Variants in CACNA1A observed in about 807,000 individuals in gnomAD.
CACNA1A encodes the protein calcium voltage-gated channel subunit alpha1 A.
CACNA1A carries 57 observed loss-of-function variants against 262.4 expected under a neutral mutation model. That is an observed-to-expected ratio of 0.22 (90% CI 0.18 to 0.27). CACNA1A has a LOEUF of 0.27. Ranked by LOEUF, CACNA1A falls within the 10% of genes least tolerant of loss-of-function variation. The probability of loss-of-function intolerance (pLI) is 1.00; values close to 1 mark genes in which losing one functional copy is unlikely to be tolerated. For synonymous variants in CACNA1A, 1,431 were observed against 1,419.3 expected (o/e 1.01, Z -0.18); for missense variants, 2,526 against 3,562.8 (o/e 0.71, Z 7.41).
At chr19:13,465,034 T>C (rs1444671040) in intron 1 of CACNA1A, among the ~76,000 whole-genome samples, 1 of 152,034 alleles carries the variant, frequency 6.6e-6, no homozygotes, top group African/African-American at 2.4e-5. Context: ...GTGCGAGCAA[T>C]TCTCCTGCCT....
At chr19:13,263,872 AT>A (rs1284911691) in intron 24 of CACNA1A, among the ~76,000 whole-genome samples, 1 of 151,698 alleles carries the variant, frequency 6.6e-6, no homozygotes, top group Non-Finnish European at 1.5e-5. Context: ...AAAAAATGGG[AT>A]TTTCTCCCCC....
chr19:13,372,740 A>C (rs1055646714), intron 3 of CACNA1A, among the ~76,000 whole-genome samples: 2 of 152,190 alleles, frequency 1.3e-5, no homozygotes, highest in Non-Finnish European at 2.9e-5. Flanking sequence ...CCTATTCAGA[A>C]ATAAATAAGA....
intron 1 of CACNA1A, among the ~76,000 whole-genome samples, chr19:13,487,498 G>T (rs1323512998): frequency 6.6e-6 from 1 of 152,100 alleles, no homozygotes; most frequent in Non-Finnish European, 1.5e-5. Context: ...GGGGAGCGGG[G>T]AGAGACAGGG....
intron 3 of CACNA1A, among the ~76,000 whole-genome samples, chr19:13,383,698 T>C (rs2059559583): frequency 6.6e-6 from 1 of 152,230 alleles, no homozygotes; most frequent in Admixed American, 6.5e-5. Context: ...CTAGCTGGCC[T>C]CTTCGAATTC....
chr19:13,472,446 C>G (rs186576144), intron 1 of CACNA1A, among the ~76,000 whole-genome samples: 4 of 152,160 alleles, frequency 2.6e-5, no homozygotes, highest in Admixed American at 6.6e-5. Context: ...AGTTCACCTC[C>G]GGAACTTGAC....
At chr19:13,371,078 A>T (rs4926281) in intron 4 of CACNA1A, 1 of 152,074 alleles carries the variant, frequency 6.6e-6, no homozygotes, top group Non-Finnish European at 1.5e-5. Flanking sequence ...TTTAGAGCTC[A>T]TTACTGTCCA....
At chr19:13,369,650 C>T (rs2059283474) in intron 4 of CACNA1A, among the ~76,000 whole-genome samples, 1 of 152,208 alleles carries the variant, frequency 6.6e-6, no homozygotes, top group Non-Finnish European at 1.5e-5. Flanking sequence ...AACAGAGACT[C>T]TTGTTACTAC....
intron 3 of CACNA1A, among the ~76,000 whole-genome samples, chr19:13,430,499 A>T (rs2060487763): frequency 6.6e-6 from 1 of 152,072 alleles, no homozygotes; most frequent in African/African-American, 2.4e-5. Context: ...AGCCACCATT[A>T]GAACAATGAG....
At chr19:13,415,351 T>G (rs1336284330) in intron 3 of CACNA1A, among the ~76,000 whole-genome samples, 1 of 152,112 alleles carries the variant, frequency 6.6e-6, no homozygotes, top group Non-Finnish European at 1.5e-5. Context: ...CCTGCCTTTA[T>G]GACCTGGGGG....
chr19:13,489,384 G>A lies in CACNA1A; in HGVS notation c.293+16548C>T, dbSNP rs540698263. On this transcript the variant is annotated intron_variant, in intron 1 of 46. Transcript: ENST00000360228. ...TTATTTGGCAGCATAGGTCTCCCGGGCTCAAGAGATCCTCCTACCTCAGCC... is the reference window on the plus strand; with the variant it reads ...TTATTTGGCAGCATAGGTCTCCCGGACTCAAGAGATCCTCCTACCTCAGCC... Among the ~76,000 whole-genome samples the A allele has an allele frequency of 2.0e-5, 3 of 152,192 alleles. No homozygotes were observed. In the South Asian group the frequency reaches 6.2e-4, roughly 32 times the overall value.
Position 13,261,433 on chromosome 19 carries a change from G to T in CACNA1A, c.4250+17C>A. 6.4e-7 allele frequency: 1 copy of T among 1,557,108 alleles called. No individual in the cohort carries two copies. The highest frequency in any genetic ancestry group is 1.2e-5 in the South Asian group (1 of 84,074). On this transcript the variant is annotated intron_variant, in intron 26 of 46. Coordinates refer to ENST00000360228, the MANE Select transcript of CACNA1A (RefSeq NM_001127222.2). The stretch of plus-strand genomic sequence containing the variant: ...CTGCTGGTTCCAATGGGAATGTGCT[G>T]GAAAGTGGAGACCCACCGACAATCT...
rs71170510 is a variant in CACNA1A at position 13,415,743 on chromosome 19, T to TAAAAAA, written c.539+37127_539+37132dup. On this transcript the variant is annotated intron_variant, in intron 3 of 46. Transcript: ENST00000360228. Reference sequence around the variant, plus strand: ...CAACAGAGCGAGACTCTGTCTCAATTAAAAAAAAAAAAAAAAAAAAAAAAA... The same window carrying TAAAAAA: ...CAACAGAGCGAGACTCTGTCTCAATTAAAAAAAAAAAAAAAAAAAAAAAAAAAAAAA... 5.4e-3 allele frequency among the ~76,000 whole-genome samples: 230 copies of TAAAAAA among 42,508 alleles called. 17 individuals are homozygous for TAAAAAA. The highest frequency in any genetic ancestry group is 7.4e-3 in the Admixed American group (21 of 2,820). 27.9% of individuals were successfully genotyped at this position (42,508 alleles called of 152,430 possible). A position where few individuals can be genotyped will look rare whatever the true frequency, so the allele number is the denominator to read the frequency against.
At chr19:13,355,557 G>T (rs1024582761) in intron 6 of CACNA1A, among the ~76,000 whole-genome samples, 1 of 152,200 alleles carries the variant, frequency 6.6e-6, no homozygotes, top group Non-Finnish European at 1.5e-5. Flanking sequence ...CTGGAGAGAT[G>T]CAGGGCAGAG....
intron 1 of CACNA1A, among the ~76,000 whole-genome samples, chr19:13,474,565 T>A (rs940678240): frequency 2.0e-5 from 3 of 152,190 alleles, no homozygotes; most frequent in Admixed American, 6.5e-5. Context: ...ACGCCTGTAA[T>A]CCCAGCACTT....
rs118151524 is a variant in CACNA1A at position 13,297,179 on chromosome 19, A to G, written c.3089+1365T>C. On this transcript the variant is annotated intron_variant, in intron 19 of 46. Coordinates refer to ENST00000360228, the MANE Select transcript of CACNA1A (RefSeq NM_001127222.2). Reference sequence around the variant, plus strand: ...CTCATTCAATCCTGGCAATGACCCAATTAGATCCCACTATTTCCATTGTGT... The same window carrying G: ...CTCATTCAATCCTGGCAATGACCCAGTTAGATCCCACTATTTCCATTGTGT... Among the ~76,000 whole-genome samples, 47 of 152,322 alleles carry G rather than the reference A, an allele frequency of 3.1e-4. 1 individual carries two copies. In the East Asian group the frequency reaches 9.0e-3, roughly 29 times the overall value.
chr19:13,353,434 C>A (rs2058950885), intron 6 of CACNA1A, among the ~76,000 whole-genome samples: 1 of 151,946 alleles, frequency 6.6e-6, no homozygotes, highest in South Asian at 2.1e-4. Context: ...GCCCAGCACC[C>A]CCACTCATCA....
intron 31 of CACNA1A, among the ~76,000 whole-genome samples, chr19:13,240,173 AG>A: frequency 1.4e-5 from 2 of 146,876 alleles, no homozygotes; most frequent in Middle Eastern, 7.1e-3. Context: ...AAAAAGAGCG[AG>A]AGAGAGAGAG....
chr19:13,366,000 T>G (rs190913287), intron 4 of CACNA1A: 71 of 151,452 alleles, frequency 4.7e-4, no homozygotes, highest in African/African-American at 1.7e-3. Flanking sequence ...TTTTATTTAT[T>G]TTTTTTGAGA....
In CACNA1A at chr19:13,245,086, T is replaced by G. The variant is rs16039; in HGVS notation, c.4950+96A>C. On this transcript the variant is annotated intron_variant, in intron 31 of 46. Transcript: ENST00000360228. ...AGTGCTGGCTCAAGCAGCTATGGCT[T>G]CCGGGACACACTGCCTCTGGGACCG... 0.97 allele frequency: 991,381 copies of G among 1,017,918 alleles called. 482,860 individuals are homozygous for G. The highest frequency in any genetic ancestry group is 1 in the East Asian group (41,651 of 41,654). The allele number at this position is 1,017,918 out of a possible 1,614,324, so 63.1% of individuals were successfully genotyped here.
Sources: allele counts gnomAD v4.1 joint callset (sites outside exome capture counted in the v4.1 genomes callset), GRCh38; gene constraint gnomAD v4.1.1; transcripts MANE v1.5; gene names NCBI Gene and HGNC (gene_info 2026-07-23, HGNC 2026-07-21).